NNAT: variants seen among roughly 807,000 people sequenced by gnomAD.
NNAT encodes neuronatin.
NNAT carries 8 observed loss-of-function variants against 12.7 expected under a neutral mutation model. The ratio of observed to expected loss-of-function variants is 0.63; its 90% confidence interval spans 0.37 to 1.14. The LOEUF is 1.14. NNAT is among the 50% of genes most tolerant of loss of function. The pLI is 0.01. For synonymous variants in NNAT, 52 were observed against 48.5 expected (o/e 1.07, Z -0.30); for missense variants, 94 against 108.3 (o/e 0.87, Z 0.59).
chr20:37,523,147 C>A lies in NNAT; in HGVS notation c.*388C>A, dbSNP rs1293431346. 1 of 189,292 alleles carries A rather than the reference C, an allele frequency of 5.3e-6. No individual in the cohort carries two copies. Among genetic ancestry groups the A allele is most frequent in the East Asian group, 1.3e-4 (1 of 7,568 alleles). The allele number at this position is 189,292 out of a possible 1,614,324, so 11.7% of individuals were successfully genotyped here. A position where few individuals can be genotyped will look rare whatever the true frequency, so the allele number is the denominator to read the frequency against. On this transcript the variant is annotated 3_prime_UTR_variant, in exon 3 of 3. Transcript: ENST00000649451. Reference sequence around the variant, plus strand: ...ATGGAAATCAAAACACCGCACCAGCCAGCAGAATGGACATTCTGACATCGC... The same window carrying A: ...ATGGAAATCAAAACACCGCACCAGCAAGCAGAATGGACATTCTGACATCGC...
At chr20:37,522,289 G>C in intron 1 of NNAT, 69 bp from the exon 2 acceptor site, 1 of 1,312,332 alleles carries the variant, frequency 7.6e-7, no homozygotes, top group Non-Finnish European at 1.1e-6. Context: ...TACCCTAAAA[G>C]CTCCCTTTGC....
chr20:37,521,494 C>G lies in NNAT; in HGVS notation c.72+91C>G, dbSNP rs2071571320. ...GCGTCGCGATTGCCGCTTCCCGGAC[C>G]CGTCCTATTCCGATTGCCGCGATCC... On this transcript the variant is annotated intron_variant, in intron 1 of 2. Coordinates refer to ENST00000649451, the MANE Select transcript of NNAT (RefSeq NM_005386.4). This position sits in a 1 kb window ranked among gnomAD's most constrained non-coding sequence, Gnocchi z 4.5. 7.8e-7 allele frequency: 1 copy of G among 1,277,954 alleles called. No homozygotes were observed. The highest frequency in any genetic ancestry group is 1.1e-6 in the Non-Finnish European group (1 of 879,790). The allele number at this position is 1,277,954 out of a possible 1,614,324, so 79.2% of individuals were successfully genotyped here.
rs2071667609 is a variant in NNAT, at chr20:37,523,636, C to T, written c.*877C>T. On this transcript the variant is annotated 3_prime_UTR_variant, in exon 3 of 3. Transcript: ENST00000649451. The stretch of plus-strand genomic sequence containing the variant: ...TCTACAAAAAATAAAAAAAGTACCT[C>T]CCCTGTCTCGCACAGTGTCCCAGGA... 6.5e-6 allele frequency: 1 copy of T among 152,680 alleles called. No homozygotes were observed. The allele number at this position is 152,680 out of a possible 1,614,324, so 9.5% of individuals were successfully genotyped here.
intron 2 of NNAT, 37 bp from the exon 3 acceptor site, chr20:37,522,630 T>C: frequency 6.4e-7 from 1 of 1,571,212 alleles, no homozygotes; most frequent in Non-Finnish European, 8.7e-7. Flanking sequence ...CTGTGGGTGC[T>C]CTCCACTAAG....
chr20:37,521,311 C>T lies in NNAT; in HGVS notation c.-21C>T, dbSNP rs1258449756. 2 of 1,613,390 alleles carry T rather than the reference C, an allele frequency of 1.2e-6. No homozygotes were observed. The highest frequency in any genetic ancestry group is 1.7e-6 in the Non-Finnish European group (2 of 1,179,362). The stretch of plus-strand genomic sequence containing the variant: ...TCGGCAAACCCTCTTTCTCGACCAC[C>T]CACCTACCATTCTTGGAACCATGGC... On this transcript the variant is annotated 5_prime_UTR_variant, in exon 1 of 3. Coordinates refer to ENST00000649451, the MANE Select transcript of NNAT (RefSeq NM_005386.4). The surrounding 1 kb of genome is among the most constrained non-coding windows in gnomAD (Gnocchi z 4.5).
chr20:37,523,187 A>G lies in NNAT; in HGVS notation c.*428A>G, dbSNP rs1256706981. On this transcript the variant is annotated 3_prime_UTR_variant, in exon 3 of 3. Transcript: ENST00000649451. ...TCTGACATCGCCAGCCGACGCCCTG[A>G]ATCTTGGTGCAGCACCAACCGCGTG... is the stretch of plus-strand genomic sequence containing the variant. The G allele has an allele frequency of 6.1e-6, 1 of 163,412 alleles. No homozygotes were observed. The highest frequency in any genetic ancestry group is 1.3e-5 in the Non-Finnish European group (1 of 75,384). The allele number at this position is 163,412 out of a possible 1,614,324, so 10.1% of individuals were successfully genotyped here.
In NNAT at chr20:37,521,308, C is replaced by CGGG; in HGVS notation, c.-24_-23insGGG. ...ATCTCGGCAAACCCTCTTTCTCGAC[C>CGGG]ACCCACCTACCATTCTTGGAACCAT... is the stretch of plus-strand genomic sequence containing the variant. On this transcript the variant is annotated 5_prime_UTR_variant, in exon 1 of 3. Coordinates refer to ENST00000649451, the MANE Select transcript of NNAT (RefSeq NM_005386.4). This position sits in a 1 kb window ranked among gnomAD's most constrained non-coding sequence, Gnocchi z 4.5. 2.5e-6 allele frequency: 4 copies of CGGG among 1,612,744 alleles called. No individual in the cohort carries two copies. The highest frequency in any genetic ancestry group is 3.4e-6 in the Non-Finnish European group (4 of 1,178,784).
chr20:37,522,342 G>A lies in NNAT; in HGVS notation c.73-16G>A, dbSNP rs1008060720. Reference sequence around the variant, plus strand: ...AAAGGAATCCTTTGCCAAAGGAATCGCATATTTCCTTCAAGGTGTTCCTGG... The same window carrying A: ...AAAGGAATCCTTTGCCAAAGGAATCACATATTTCCTTCAAGGTGTTCCTGG... On this transcript the variant is annotated splice_polypyrimidine_tract_variant and intron_variant, in intron 1 of 2. Transcript: ENST00000649451. 25 of 1,609,278 alleles carry A rather than the reference G, an allele frequency of 1.6e-5. No homozygotes were observed. The highest frequency in any genetic ancestry group is 2.1e-5 in the Non-Finnish European group (25 of 1,175,940).
At position 37,521,591 on chromosome 20, in the gene NNAT, A is replaced by C; in HGVS notation, c.72+188A>C. On this transcript the variant is annotated intron_variant, in intron 1 of 2. Coordinates refer to ENST00000649451, the MANE Select transcript of NNAT (RefSeq NM_005386.4). The surrounding 1 kb of genome is among the most constrained non-coding windows in gnomAD (Gnocchi z 4.5). ...TCCCTGCGCCGTCCTCCTCGCGCTG[A>C]CCCTCCCTAGTGCGCCCGCGCCTGC... 3.3e-6 allele frequency: 2 copies of C among 608,278 alleles called. No homozygotes were observed. The highest frequency in any genetic ancestry group is 2.0e-5 in the South Asian group (1 of 51,014). The allele number at this position is 608,278 out of a possible 1,614,324, so 37.7% of individuals were successfully genotyped here.
rs1601095950 is a variant in NNAT at position 37,522,962 on chromosome 20, C to T, written c.*203C>T. The T allele has an allele frequency of 5.6e-6, 3 of 537,160 alleles. No individual in the cohort carries two copies. In the East Asian group the frequency reaches 9.1e-5, roughly 16 times the overall value. 33.3% of individuals were successfully genotyped at this position (537,160 alleles called of 1,614,324 possible). A position where few individuals can be genotyped will look rare whatever the true frequency, so the allele number is the denominator to read the frequency against. On this transcript the variant is annotated 3_prime_UTR_variant, in exon 3 of 3. Coordinates refer to ENST00000649451, the MANE Select transcript of NNAT (RefSeq NM_005386.4). ...GAAGATACCAGATCCCTTCCCAACC[C>T]CTTTGCACCGGTCCCACTAAGGGGC...
chr20:37,523,461 C>G lies in NNAT; in HGVS notation c.*702C>G, dbSNP rs1431638146. The G allele has an allele frequency of 4.7e-5, 7 of 149,844 alleles. No homozygotes were observed. The highest frequency in any genetic ancestry group is 3.3e-4 in the Admixed American group (5 of 15,192). 9.3% of individuals were successfully genotyped at this position (149,844 alleles called of 1,614,324 possible). A position where few individuals can be genotyped will look rare whatever the true frequency, so the allele number is the denominator to read the frequency against. ...CCTTTACTAAAACACTTTCTCTGAA[C>G]CCCCCTTGCCCCTCACTGATCTTGC... On this transcript the variant is annotated 3_prime_UTR_variant, in exon 3 of 3. Coordinates refer to ENST00000649451, the MANE Select transcript of NNAT (RefSeq NM_005386.4).
rs78776669 is a variant in NNAT at position 37,522,275 on chromosome 20, C to A, written c.73-83C>A. The A allele has an allele frequency of 1.5e-3, 1,658 of 1,096,056 alleles. 30 individuals carry two copies. The East Asian group carries it at 0.034, about 22-fold the overall frequency. 67.9% of individuals were successfully genotyped at this position (1,096,056 alleles called of 1,614,324 possible). A position where few individuals can be genotyped will look rare whatever the true frequency, so the allele number is the denominator to read the frequency against. Reference sequence around the variant, plus strand: ...GAAGAAAGCGCTTTGCCCATAAAATCATTTACCCTAAAAGCTCCCTTTGCA... The same window carrying A: ...GAAGAAAGCGCTTTGCCCATAAAATAATTTACCCTAAAAGCTCCCTTTGCA... On this transcript the variant is annotated intron_variant, in intron 1 of 2. Transcript: ENST00000649451.
At position 37,522,732 on chromosome 20, in the gene NNAT, G is replaced by A. The variant is rs1601094935; in HGVS notation, c.219G>A (p.Gly73=). ...TVSRTGRQVL[G]ERRQRAPN ...CGCGGACCGGGCGGCAGGTGTTGGGGGAGCGCAGGCAGCGAGCCCCCAACT... is the reference window on the plus strand; with the variant it reads ...CGCGGACCGGGCGGCAGGTGTTGGGAGAGCGCAGGCAGCGAGCCCCCAACT... The change falls in exon 3 of 3, where the codon GGG becomes GGA. Residue 73 remains glycine, a synonymous_variant. Coordinates refer to ENST00000649451, the MANE Select transcript of NNAT (RefSeq NM_005386.4). The A allele has an allele frequency of 1.2e-6, 2 of 1,610,000 alleles. No individual in the cohort carries two copies. Among genetic ancestry groups the A allele is most frequent in the Non-Finnish European group, 1.7e-6 (2 of 1,178,750 alleles).
rs952241675 is a variant in NNAT, at chr20:37,522,445, C to A, written c.153+7C>A. 31 of 1,612,558 alleles carry A rather than the reference C, an allele frequency of 1.9e-5. No homozygotes were observed. The highest frequency in any genetic ancestry group is 2.6e-5 in the Non-Finnish European group (31 of 1,179,136). ...GCCCATTGCGAGAAGTGAGGTATACCTAAGTTGTGGGTCCAATCAGCTTGC... is the reference window on the plus strand; with the variant it reads ...GCCCATTGCGAGAAGTGAGGTATACATAAGTTGTGGGTCCAATCAGCTTGC... On this transcript the variant is annotated splice_region_variant and intron_variant, in intron 2 of 2. Transcript: ENST00000649451.
Position 37,521,648 on chromosome 20 carries a change from A to T in NNAT, c.72+245A>T. The stretch of plus-strand genomic sequence containing the variant: ...ACAAAGACTCGGGGCGCGGCGGGCG[A>T]CCGCTGCGGACGATCACCCAGGCAT... On this transcript the variant is annotated intron_variant, in intron 1 of 2. Transcript: ENST00000649451. The surrounding 1 kb of genome is among the most constrained non-coding windows in gnomAD (Gnocchi z 4.5). The T allele has an allele frequency of 1.9e-6, 1 of 517,034 alleles. No individual in the cohort carries two copies. The highest frequency in any genetic ancestry group is 3.5e-6 in the Non-Finnish European group (1 of 287,422). The allele number at this position is 517,034 out of a possible 1,614,324, so 32.0% of individuals were successfully genotyped here.
Position 37,521,252 on chromosome 20 carries a change from T to A in NNAT, c.-80T>A. The A allele has an allele frequency of 6.8e-7, 1 of 1,464,052 alleles. No homozygotes were observed. The allele number at this position is 1,464,052 out of a possible 1,614,324, so 90.7% of individuals were successfully genotyped here. On this transcript the variant is annotated 5_prime_UTR_variant, in exon 1 of 3. Transcript: ENST00000649451. The surrounding 1 kb of genome is among the most constrained non-coding windows in gnomAD (Gnocchi z 4.5). ...GGCGCGGCCACCGCGGCTGCGGCAG[T>A]GCGCCCAACAGCGGACTCCGAGACC...
chr20:37,522,989 G>A lies in NNAT; in HGVS notation c.*230G>A. The A allele has an allele frequency of 2.1e-6, 1 of 486,894 alleles. No individual in the cohort carries two copies. Among genetic ancestry groups the A allele is most frequent in the South Asian group, 3.5e-5 (1 of 28,606 alleles). The allele number at this position is 486,894 out of a possible 1,614,324, so 30.2% of individuals were successfully genotyped here. A position where few individuals can be genotyped will look rare whatever the true frequency, so the allele number is the denominator to read the frequency against. ...TTTGCACCGGTCCCACTAAGGGGCAGGGTCGAGAGAGGAGGGGGGATAGGG... is the reference window on the plus strand; with the variant it reads ...TTTGCACCGGTCCCACTAAGGGGCAAGGTCGAGAGAGGAGGGGGGATAGGG... On this transcript the variant is annotated 3_prime_UTR_variant, in exon 3 of 3. Coordinates refer to ENST00000649451, the MANE Select transcript of NNAT (RefSeq NM_005386.4).
In NNAT at chr20:37,522,783, G is replaced by T; in HGVS notation, c.*24G>T. The T allele has an allele frequency of 6.4e-7, 1 of 1,567,508 alleles. No homozygotes were observed. Reference sequence around the variant, plus strand: ...GAGGCCCCAGCTCCCAGCCCTGGGCGGCCGTATCATCAGGTGCTCCTGTGC... The same window carrying T: ...GAGGCCCCAGCTCCCAGCCCTGGGCTGCCGTATCATCAGGTGCTCCTGTGC... On this transcript the variant is annotated 3_prime_UTR_variant, in exon 3 of 3. Coordinates refer to ENST00000649451, the MANE Select transcript of NNAT (RefSeq NM_005386.4).
chr20:37,521,519 C>G lies in NNAT; in HGVS notation c.72+116C>G. The G allele has an allele frequency of 1.9e-6, 2 of 1,071,258 alleles. No homozygotes were observed. The highest frequency in any genetic ancestry group is 4.9e-5 in the East Asian group (2 of 40,648). The allele number at this position is 1,071,258 out of a possible 1,614,324, so 66.4% of individuals were successfully genotyped here. A position where few individuals can be genotyped will look rare whatever the true frequency, so the allele number is the denominator to read the frequency against. ...CCGTCCTATTCCGATTGCCGCGATCCTTGCCTGCCCAAGTGCCGCTGCCGG... is the reference window on the plus strand; with the variant it reads ...CCGTCCTATTCCGATTGCCGCGATCGTTGCCTGCCCAAGTGCCGCTGCCGG... On this transcript the variant is annotated intron_variant, in intron 1 of 2. Coordinates refer to ENST00000649451, the MANE Select transcript of NNAT (RefSeq NM_005386.4). The surrounding 1 kb of genome is among the most constrained non-coding windows in gnomAD (Gnocchi z 4.5).
Sources: allele counts gnomAD v4.1 joint callset, GRCh38; gene constraint gnomAD v4.1.1; non-coding constraint Gnocchi (gnomAD v3.1); transcripts MANE v1.5; gene names NCBI Gene and HGNC (gene_info 2026-07-23, HGNC 2026-07-21).